The following KIAA0319 variants were observed in gnomAD, a reference collection of about 807,000 sequenced individuals.
KIAA0319 encodes dyslexia-associated protein KIAA0319.
A neutral mutation model predicts 108.4 loss-of-function variants in KIAA0319; 83 were observed. That is an observed-to-expected ratio of 0.77 (90% confidence interval 0.64 to 0.92). The LOEUF is 0.92. Among genes scored for constraint, KIAA0319 ranks in the 40% least tolerant of loss-of-function variants. The pLI, the probability that KIAA0319 is intolerant of heterozygous loss-of-function variation, is 0.00. For synonymous variants in KIAA0319, 484 were observed against 510.4 expected, an observed-to-expected ratio of 0.95 and a Z score of 0.70; for missense variants, 1,195 against 1,322.4, an observed-to-expected ratio of 0.90 and a Z score of 1.49.
At chr6:24,624,780 T>G (rs189935801) in intron 1 of KIAA0319, among the ~76,000 whole-genome samples, 1 of 152,216 alleles carries the variant, frequency 6.6e-6, no homozygotes, top group Non-Finnish European at 1.5e-5. Flanking sequence ...CAAGTGAGAT[T>G]TGGAAGTCGG....
intron 5 of KIAA0319, 97 bp downstream of exon 5, chr6:24,583,507 C>A (rs1427851570): frequency 1.2e-6 from 1 of 817,774 alleles, no homozygotes; most frequent in Non-Finnish European, 2.0e-6. Flanking sequence ...TCGTGCAATA[C>A]TGTGAAAAAG....
intron 18 of KIAA0319, among the ~76,000 whole-genome samples, chr6:24,555,270 G>C (rs1330674436): frequency 1.7e-4 from 26 of 152,174 alleles, no homozygotes; most frequent in South Asian, 2.1e-4. Flanking sequence ...GCCGAACGGG[G>C]CAGATGACTT....
chr6:24,576,424 C>G lies in KIAA0319; in HGVS notation c.1678G>C (p.Val560Leu). 1 of 1,614,134 alleles carries G rather than the reference C, an allele frequency of 6.2e-7. No individual in the cohort carries two copies. Among genetic ancestry groups the G allele is most frequent in the Non-Finnish European group, 8.5e-7 (1 of 1,180,020 alleles). The change falls in exon 10 of 21, where the codon GTC becomes CTC. Residue 560 changes from valine (V) to leucine (L), a missense_variant. Transcript: ENST00000378214. ...GNQSSDDHQIVLYEWSLGPGS... is the reference protein window; with the variant it reads ...GNQSSDDHQILLYEWSLGPGS... ...GGACCCAGGGACCACTCATAGAGGA[C>G]AATCTGGTGATCGTCACTGCTCTGG...
At chr6:24,556,883 C>T (rs1034303844) in intron 17 of KIAA0319, among the ~76,000 whole-genome samples, 154 bp from the exon 18 acceptor site, 1 of 152,152 alleles carries the variant, frequency 6.6e-6, no homozygotes, top group African/African-American at 2.4e-5. Flanking sequence ...TGGAGATAGT[C>T]TCTCATCACT....
rs1374643432 is a variant in KIAA0319 at position 24,596,055 on chromosome 6, C to T, written c.619G>A (p.Ala207Thr). 6.2e-7 allele frequency: 1 copy of T among 1,614,044 alleles called. No homozygotes were observed. Among genetic ancestry groups the T allele is most frequent in the South Asian group, 1.1e-5 (1 of 91,082 alleles). The change falls in exon 3 of 21, where the codon GCG (alanine) becomes ACG (threonine). Residue 207 changes from alanine (A) to threonine (T), a missense_variant. Transcript: ENST00000378214. ...AGCTCAGGGTCCTGCTGCGTCTCCG[C>T]TGGCACCGCAGGACTGTCTCCAACA... ...SSVGDSPAVP[A>T]ETQQDPELHY...
At chr6:24,617,474 A>G (rs1467019864) in intron 1 of KIAA0319, among the ~76,000 whole-genome samples, 1 of 152,210 alleles carries the variant, frequency 6.6e-6, no homozygotes, top group Non-Finnish European at 1.5e-5. Flanking sequence ...TGTACTCACA[A>G]GAGAATAAAG....
In KIAA0319 at chr6:24,559,112, C is replaced by G. The variant is rs1421078652; in HGVS notation, c.2635G>C (p.Val879Leu). Residue 879 changes from valine (V) to leucine (L), a missense_variant, in exon 17 of 21, where the codon GTT becomes CTT. Val to Leu is a conservative substitution (Grantham distance 32). Transcript: ENST00000378214. ...FYVQSRPPFK[V>L]LKAAEVARNL... is the part of the protein sequence containing the mutation. Reference sequence around the variant, plus strand: ...CGGGCCACTTCAGCAGCTTTGAGAACCTTGAAAGGCGGCCTGCTCTGTACA... The same window carrying G: ...CGGGCCACTTCAGCAGCTTTGAGAAGCTTGAAAGGCGGCCTGCTCTGTACA... The G allele has an allele frequency of 1.2e-6, 2 of 1,613,744 alleles. No individual in the cohort carries two copies. Among genetic ancestry groups the G allele is most frequent in the Non-Finnish European group, 1.7e-6 (2 of 1,180,024 alleles).
In KIAA0319 at chr6:24,566,701, C is replaced by A. The variant is rs778587915; in HGVS notation, c.2188G>T (p.Val730Leu). The change falls in exon 14 of 21, where the codon GTG (valine) becomes TTG (leucine). Residue 730 changes from valine to leucine, a missense_variant. Coordinates refer to ENST00000378214, the MANE Select transcript of KIAA0319 (RefSeq NM_014809.4). The stretch of plus-strand genomic sequence containing the variant: ...AAAGTAATGGAATTATTGGGAAGCA[C>A]AAGAACATGTCTGCCACCAGCCCGG... ...RARAGGRHVL[V>L]LPNNSITLDG... 1.9e-6 allele frequency: 3 copies of A among 1,613,382 alleles called. No homozygotes were observed. Among genetic ancestry groups the A allele is most frequent in the Admixed American group, 3.3e-5 (2 of 59,922 alleles).
intron 3 of KIAA0319, among the ~76,000 whole-genome samples, chr6:24,591,148 T>C (rs972773638): frequency 6.6e-6 from 1 of 152,224 alleles, no homozygotes; most frequent in Non-Finnish European, 1.5e-5. Flanking sequence ...GATACCCTGT[T>C]CAATGGCACT....
chr6:24,571,677 G>T (rs547553014), intron 11 of KIAA0319, among the ~76,000 whole-genome samples: 1 of 151,644 alleles, frequency 6.6e-6, no homozygotes, highest in African/African-American at 2.4e-5. Context: ...TTAAATCTTC[G>T]AATGTACCAG....
At chr6:24,626,782 T>A (rs777896381) in intron 1 of KIAA0319, among the ~76,000 whole-genome samples, 6 of 152,190 alleles carry the variant, frequency 3.9e-5, no homozygotes, top group Admixed American at 6.5e-5. Flanking sequence ...AAGGGCCACA[T>A]AAATTGTCCC....
chr6:24,568,728 T>A, intron 13 of KIAA0319, 53 bp downstream of exon 13: 1 of 1,565,322 alleles, frequency 6.4e-7, no homozygotes, highest in Non-Finnish European at 8.7e-7. Context: ...CTGAGGGTCC[T>A]GCAGACTCGA....
intron 1 of KIAA0319, among the ~76,000 whole-genome samples, chr6:24,604,238 T>C (rs1333609583): frequency 1.3e-5 from 2 of 152,160 alleles, no homozygotes; most frequent in Non-Finnish European, 2.9e-5. Context: ...GGAAAGTATG[T>C]TAGAGATGGG....
At chr6:24,634,478 G>T (rs1322341232) in intron 1 of KIAA0319, among the ~76,000 whole-genome samples, 1 of 152,178 alleles carries the variant, frequency 6.6e-6, no homozygotes, top group Non-Finnish European at 1.5e-5. Context: ...ATATTAAAAT[G>T]TAAGTTTTAA....
intron 4 of KIAA0319, among the ~76,000 whole-genome samples, chr6:24,586,197 T>C (rs1767461643): frequency 6.6e-6 from 1 of 152,196 alleles, no homozygotes; most frequent in Non-Finnish European, 1.5e-5. Context: ...AAATAAACTT[T>C]CTAAATTGAT....
chr6:24,638,205 A>G (rs530727958), intron 1 of KIAA0319, among the ~76,000 whole-genome samples: 1 of 152,256 alleles, frequency 6.6e-6, no homozygotes, highest in South Asian at 2.1e-4. Flanking sequence ...AGAGGAGACA[A>G]AAATCATAAT....
intron 1 of KIAA0319, among the ~76,000 whole-genome samples, chr6:24,624,865 G>A (rs1183133201): frequency 6.6e-6 from 1 of 152,210 alleles, no homozygotes; most frequent in Non-Finnish European, 1.5e-5. Context: ...CTGGAGTGCG[G>A]TGCCACATGA....
rs766002523 is a variant in KIAA0319, at chr6:24,547,245, C to G, written c.3139G>C (p.Glu1047Gln). The G allele has an allele frequency of 6.2e-7, 1 of 1,614,172 alleles. No homozygotes were observed. The highest frequency in any genetic ancestry group is 1.1e-5 in the South Asian group (1 of 91,084). Residue 1047 changes from glutamate to glutamine, a missense_variant, in exon 21 of 21, where the codon GAG becomes CAG. Transcript: ENST00000378214. Reference protein sequence around the residue: ...QDTIFSREKMERGNPKVSMNG... With the variant: ...QDTIFSREKMQRGNPKVSMNG... ...ATGGAAACCTTTGGATTCCCTCTCT[C>G]CATCTTTTCTCGGCTGAAGATTGTG...
Position 24,547,344 on chromosome 6 carries a change from C to T in KIAA0319, c.3041-1G>A. ...TGCTCTGTGCTTCGGTGCTTGATAC[C>T]TAGAGAGAAGCACAGAAGCATCTGA... On this transcript the variant is annotated splice_acceptor_variant, in intron 20 of 20. Transcript: ENST00000378214. LOFTEE classifies it high-confidence loss of function. 1.9e-6 allele frequency: 3 copies of T among 1,613,446 alleles called. No individual in the cohort carries two copies. Among genetic ancestry groups the T allele is most frequent in the Non-Finnish European group, 2.5e-6 (3 of 1,179,522 alleles).
Sources: gnomAD v4.1 joint callset for allele counts (sites outside exome capture counted in the v4.1 genomes callset) on GRCh38, gnomAD v4.1.1 for gene constraint, MANE v1.5 for transcripts, NCBI Gene and HGNC (gene_info 2026-07-23, HGNC 2026-07-21) for gene names.